ZNF320: variants seen among roughly 807,000 people sequenced by gnomAD.
ZNF320 encodes the protein zinc finger protein 320.
In ZNF320, 2 loss-of-function variants were observed where a neutral mutation model predicts 6.8. The ratio of observed to expected loss-of-function variants is 0.29; its 90% CI spans 0.12 to 0.93. The LOEUF is 0.93. Ranked by LOEUF, ZNF320 falls within the 40% of genes least tolerant of loss-of-function variation. The pLI is 0.55. For synonymous variants in ZNF320, 208 were observed against 203.2 expected, an observed-to-expected ratio of 1.02 and a Z score of -0.20; for missense variants, 472 against 611.0, an observed-to-expected ratio of 0.77 and a Z score of 2.40.
chr19:52,898,495 T>C (rs1454032883), upstream of ZNF320, among the ~76,000 whole-genome samples: 1 of 152,166 alleles, frequency 6.6e-6, no homozygotes, highest in East Asian at 1.9e-4. Context: ...AAAAGGGATT[T>C]TTAAAAAAAG....
chr19:52,892,326 A>G (rs1331411140), intron 2 of ZNF320: 1 of 152,358 alleles, frequency 6.6e-6, no homozygotes, highest in Non-Finnish European at 1.5e-5. Context: ...AGATTGCACC[A>G]TTGCACTCCA....
At chr19:52,899,302 C>T (rs1015068519), upstream of ZNF320, among the ~76,000 whole-genome samples, 3 of 152,116 alleles carry the variant, frequency 2.0e-5, no homozygotes, top group Admixed American at 1.3e-4. Context: ...CACACCTGTA[C>T]GGGTACATGT....
intron 5 of ZNF320, among the ~76,000 whole-genome samples, chr19:52,887,265 A>C (rs12462831): frequency 0.19 from 28,576 of 151,636 alleles, 2,775 homozygotes; most frequent in East Asian, 0.27. Flanking sequence ...ATTTTCACTT[A>C]ACTCTCCACA....
chr19:52,897,697 C>T (rs558577867), upstream of ZNF320: 4 of 152,630 alleles, frequency 2.6e-5, no homozygotes, highest in Admixed American at 2.6e-4. Context: ...GGGTCTATGC[C>T]AATCAGCGCA....
At chr19:52,860,294 TTTG>T (rs2063480130), downstream of ZNF320, among the ~76,000 whole-genome samples, 1 of 152,158 alleles carries the variant, frequency 6.6e-6, no homozygotes, top group African/African-American at 2.4e-5. Flanking sequence ...AACTTATTAT[TTTG>T]TTGATTTAAA....
chr19:52,887,071 A>G (rs1047974746), intron 5 of ZNF320, among the ~76,000 whole-genome samples: 42 of 152,312 alleles, frequency 2.8e-4, no homozygotes, highest in Middle Eastern at 3.4e-3. Flanking sequence ...GGGATAAGTG[A>G]GGGCAAAGAA....
rs372702517 is a variant in ZNF320 at position 52,890,273 on chromosome 19, TC to T, written c.-19del. The T allele has an allele frequency of 9.0e-5, 144 of 1,606,272 alleles. No individual in the cohort carries two copies. In the African/African-American group the frequency reaches 1.6e-3, roughly 18 times the overall value. ...AGAGCCATCCCCGACTCCTTTGCTT[TC>T]CTCTTCCTCTTCTGGGTTTCTTCCT... is the stretch of plus-strand genomic sequence containing the variant. On this transcript the variant is annotated 5_prime_UTR_variant, in exon 4 of 6. Transcript: ENST00000682928.
In ZNF320 at chr19:52,880,595, G is replaced by A; in HGVS notation, c.*1C>T. 1 of 1,589,866 alleles carries A rather than the reference G, an allele frequency of 6.3e-7. No homozygotes were observed. Among genetic ancestry groups the A allele is most frequent in the Non-Finnish European group, 8.5e-7 (1 of 1,169,874 alleles). On this transcript the variant is annotated 3_prime_UTR_variant, in exon 6 of 6. Transcript: ENST00000682928. ...AGGTCAATGCTGATTTGACTCTGAT[G>A]TCAATTAATGCTTGATGGTTTGCTA... is the stretch of plus-strand genomic sequence containing the variant.
At position 52,866,072 on chromosome 19, in the gene ZNF320, ATATGATTATACATATATTTATATATG is replaced by A. The variant is rs71183848; in HGVS notation, c.224-1939_224-1914del. ...TATATGATTATACATATATTTATAT[ATATGATTATACATATATTTATATATG>A]TATGATTATACATATATTTATATAT... On this transcript the variant is annotated intron_variant, in intron 5 of 5. Coordinates refer to the ZNF320 transcript ENST00000673631. 9.7e-3 allele frequency among the ~76,000 whole-genome samples: 1,086 copies of A among 112,520 alleles called. 40 individuals carry two copies. Among genetic ancestry groups the A allele is most frequent in the Non-Finnish European group, 0.015 (851 of 56,424 alleles). 73.8% of individuals were successfully genotyped at this position (112,520 alleles called of 152,430 possible).
intron 5 of ZNF320, among the ~76,000 whole-genome samples, chr19:52,867,386 C>T (rs940028345): frequency 2.0e-5 from 3 of 151,400 alleles, no homozygotes; most frequent in Admixed American, 6.6e-5. Flanking sequence ...TTAGTATAGA[C>T]GGGGTTTCAC....
At chr19:52,882,554 C>A (rs939732754) in intron 5 of ZNF320, among the ~76,000 whole-genome samples, 2 of 152,152 alleles carry the variant, frequency 1.3e-5, no homozygotes, top group African/African-American at 2.4e-5. Flanking sequence ...GGCTTAGGCA[C>A]AAGAATTGAT....
chr19:52,862,786 T>C (rs1600550676), exon 6 of ZNF320: 1 of 362,364 alleles, frequency 2.8e-6, no homozygotes, highest in Non-Finnish European at 5.6e-6. Flanking sequence ...CTCCTATGCA[T>C]TGCAAGGTGT....
At chr19:52,874,451 T>A (rs2147790289), downstream of ZNF320, among the ~76,000 whole-genome samples, 1 of 152,140 alleles carries the variant, frequency 6.6e-6, no homozygotes, top group East Asian at 1.9e-4. Context: ...CAGATAAGGA[T>A]CACCAGTGCC....
intron 4 of ZNF320, 156 bp from the exon 5 acceptor site, chr19:52,888,409 G>T (rs28522099): frequency 2.0e-5 from 5 of 250,870 alleles, no homozygotes; most frequent in Admixed American, 6.4e-5. Context: ...TCTTCCCAGT[G>T]GTGTTTGATT....
chr19:52,865,541 T>C (rs1435281768), intron 5 of ZNF320: 1 of 130,686 alleles, frequency 7.7e-6, no homozygotes, highest in Admixed American at 8.4e-5. Flanking sequence ...TTATATATGA[T>C]TATACATATA....
At chr19:52,898,535 C>T (rs2064539116), upstream of ZNF320, among the ~76,000 whole-genome samples, 1 of 152,198 alleles carries the variant, frequency 6.6e-6, no homozygotes, top group Non-Finnish European at 1.5e-5. Context: ...TGTAGCAGGG[C>T]TAGCGGCAGA....
chr19:52,897,871 G>C (rs1305938915), upstream of ZNF320, among the ~76,000 whole-genome samples: 1 of 152,148 alleles, frequency 6.6e-6, no homozygotes, highest in Non-Finnish European at 1.5e-5. Flanking sequence ...AGGGGTCGGC[G>C]GGGGCGAGAA....
intron 5 of ZNF320, among the ~76,000 whole-genome samples, chr19:52,884,304 G>A (rs916403446): frequency 6.6e-6 from 1 of 152,058 alleles, no homozygotes. Context: ...GTACTGGCAG[G>A]ATTCTCCTAC....
downstream of ZNF320, among the ~76,000 whole-genome samples, chr19:52,871,860 G>A (rs902461217): frequency 2.6e-5 from 4 of 152,124 alleles, no homozygotes; most frequent in Non-Finnish European, 5.9e-5. Context: ...GAATATTATG[G>A]ACCAGAGGGA....
Sources: allele counts gnomAD v4.1 joint callset (sites outside exome capture counted in the v4.1 genomes callset), GRCh38; gene constraint gnomAD v4.1.1; transcripts MANE v1.5; gene names NCBI Gene and HGNC (gene_info 2026-07-23, HGNC 2026-07-21).